ZZEF1: variants seen among roughly 807,000 people sequenced by gnomAD.
The protein encoded by ZZEF1 is zinc finger ZZ-type and EF-hand domain containing 1, also known as zinc finger ZZ-type and EF-hand domain-containing protein 1.
A neutral mutation model predicts 342.8 loss-of-function variants in ZZEF1; 157 were observed. The observed-to-expected ratio is 0.46, with a 90% confidence interval of 0.40 to 0.52. The LOEUF is 0.52. Among genes scored for constraint, ZZEF1 ranks in the 20% least tolerant of loss-of-function variants. The pLI is 0.00. For synonymous variants in ZZEF1, 1,505 were observed against 1,429.1 expected (o/e 1.05, Z -1.20); for missense variants, 3,480 against 3,725.6 (o/e 0.93, Z 1.72).
Position 4,097,551 on chromosome 17 carries a change from T to C in ZZEF1, c.1673-851A>G, listed in dbSNP as rs1010721216. Among the ~76,000 whole-genome samples the C allele has an allele frequency of 7.9e-5, 12 of 151,882 alleles. 1 individual carries two copies. The highest frequency in any genetic ancestry group is 3.9e-4 in the Admixed American group (6 of 15,254). On this transcript the variant is annotated intron_variant, in intron 9 of 54. Transcript: ENST00000381638. ...ATACCCTTTCGGTCGTCTCTGCCTT[T>C]TATGGTCTCTAAACTATTTTACAAT...
At chr17:4,099,176 T>C (rs1020336377) in intron 9 of ZZEF1, among the ~76,000 whole-genome samples, 1 of 152,208 alleles carries the variant, frequency 6.6e-6, no homozygotes, top group Non-Finnish European at 1.5e-5. Context: ...ATAAAACTTC[T>C]GTGCTTCCTT....
At chr17:4,083,914 T>C (rs115613494) in intron 16 of ZZEF1, among the ~76,000 whole-genome samples, 111 of 152,334 alleles carry the variant, frequency 7.3e-4, no homozygotes, top group African/African-American at 2.5e-3. Context: ...TCTAGTTTCC[T>C]TTGTCAAATT....
intron 1 of ZZEF1, among the ~76,000 whole-genome samples, chr17:4,131,928 G>A (rs774339976): frequency 6.6e-5 from 10 of 152,310 alleles, no homozygotes; most frequent in South Asian, 4.1e-4. Context: ...CATGGGCAAC[G>A]ATGGGAAGGT....
chr17:4,027,585 G>C (rs2056441453), intron 42 of ZZEF1, among the ~76,000 whole-genome samples: 1 of 143,168 alleles, frequency 7.0e-6, no homozygotes, highest in Admixed American at 7.2e-5. Context: ...ATGAGCCACT[G>C]TGCCCTGCCT....
rs1314304566 is a variant in ZZEF1, at chr17:4,025,226, A to C, written c.6893-108T>G. 5 of 1,072,028 alleles carry C rather than the reference A, an allele frequency of 4.7e-6. No individual in the cohort carries two copies. In the East Asian group the frequency reaches 1.0e-4, roughly 22 times the overall value. 66.4% of individuals were successfully genotyped at this position (1,072,028 alleles called of 1,614,324 possible). On this transcript the variant is annotated intron_variant, in intron 42 of 54. Coordinates refer to ENST00000381638, the MANE Select transcript of ZZEF1 (RefSeq NM_015113.4). ...GCCTTACTAAAGTAGGGACTGCAGAAACATAAATCTCTCGGGCTCAGTCTT... is the reference window on the plus strand; with the variant it reads ...GCCTTACTAAAGTAGGGACTGCAGACACATAAATCTCTCGGGCTCAGTCTT...
In ZZEF1 at chr17:4,090,711, A is replaced by T; in HGVS notation, c.2025+8T>A. On this transcript the variant is annotated splice_region_variant and intron_variant, in intron 12 of 54. Transcript: ENST00000381638. ...AGGGGAGTGGGCAAACGACGCACTA[A>T]TGCTTACTTTGGCAACTCTGCACTG... is the stretch of plus-strand genomic sequence containing the variant. 6.2e-7 allele frequency: 1 copy of T among 1,612,074 alleles called. No homozygotes were observed. Among genetic ancestry groups the T allele is most frequent in the Non-Finnish European group, 8.5e-7 (1 of 1,178,370 alleles).
chr17:4,125,929 T>C (rs1417238950), intron 1 of ZZEF1, among the ~76,000 whole-genome samples: 1 of 151,996 alleles, frequency 6.6e-6, no homozygotes, highest in Non-Finnish European at 1.5e-5. Context: ...GTCATGGGCA[T>C]AAAGATGGGT....
intron 1 of ZZEF1, among the ~76,000 whole-genome samples, chr17:4,132,964 TC>T (rs1295204366): frequency 6.8e-6 from 1 of 147,756 alleles, no homozygotes; most frequent in Non-Finnish European, 1.5e-5. Flanking sequence ...AGACTCCATC[TC>T]AAAAAAAAAA....
At chr17:4,059,653 T>C (rs895162653) in intron 30 of ZZEF1, among the ~76,000 whole-genome samples, 2 of 152,210 alleles carry the variant, frequency 1.3e-5, no homozygotes, top group African/African-American at 4.8e-5. Context: ...CCTCCCTTCA[T>C]TGATGACTTT....
chr17:4,048,873 ATTTTTTT>A (rs71144157), intron 37 of ZZEF1, among the ~76,000 whole-genome samples: 2 of 133,756 alleles, frequency 1.5e-5, no homozygotes, highest in African/African-American at 2.8e-5. Flanking sequence ...AGCCTGGATA[ATTTTTTT>A]TTTTTTTTTT....
At chr17:4,020,494 C>G (rs1047393118) in intron 45 of ZZEF1, among the ~76,000 whole-genome samples, 2 of 152,062 alleles carry the variant, frequency 1.3e-5, no homozygotes, top group Non-Finnish European at 2.9e-5. Flanking sequence ...AGGCGCATGC[C>G]ACACCTGGCT....
intron 6 of ZZEF1, 55 bp downstream of exon 6, chr17:4,109,598 T>C: frequency 1.3e-6 from 2 of 1,569,866 alleles, no homozygotes; most frequent in South Asian, 2.2e-5. Flanking sequence ...CCCTAAAGGA[T>C]GATGGGAGAA....
chr17:4,076,542 C>T, intron 21 of ZZEF1, 95 bp downstream of exon 21: 1 of 1,485,454 alleles, frequency 6.7e-7, no homozygotes, highest in Non-Finnish European at 9.0e-7. Context: ...GGCTGCTCAG[C>T]TGTGCCTATC....
At chr17:4,026,886 T>C (rs945323244) in intron 42 of ZZEF1, among the ~76,000 whole-genome samples, 25 of 152,058 alleles carry the variant, frequency 1.6e-4, no homozygotes, top group Non-Finnish European at 1.5e-5. Flanking sequence ...ATTTTTTACC[T>C]GGCAAAATTA....
At chr17:4,086,393 C>T (rs1232190027) in intron 15 of ZZEF1, 93 bp downstream of exon 15, 3 of 1,294,636 alleles carry the variant, frequency 2.3e-6, no homozygotes, top group African/African-American at 1.5e-5. Context: ...CTTTCTGGCT[C>T]GCATCATCGT....
chr17:4,109,900 A>G, intron 5 of ZZEF1, 37 bp from the exon 6 acceptor site: 1 of 1,609,008 alleles, frequency 6.2e-7, no homozygotes. Context: ...TATTGGATTA[A>G]CTTCTTTAGG....
At chr17:4,046,617 T>C (rs972242399) in intron 37 of ZZEF1, among the ~76,000 whole-genome samples, 5 of 152,116 alleles carry the variant, frequency 3.3e-5, no homozygotes, top group African/African-American at 1.2e-4. Flanking sequence ...CTGAGAAAAA[T>C]GTGACTGTAA....
intron 33 of ZZEF1, among the ~76,000 whole-genome samples, chr17:4,055,540 C>T (rs1008030754): frequency 2.6e-5 from 4 of 152,208 alleles, no homozygotes; most frequent in African/African-American, 9.6e-5. Context: ...GCTCACCAGG[C>T]AGCCTTCTGA....
At chr17:4,105,916 T>C in intron 6 of ZZEF1, 107 bp from the exon 7 acceptor site, 1 of 843,842 alleles carries the variant, frequency 1.2e-6, no homozygotes. Context: ...AAACAGACAG[T>C]GTTCCCACAG....
Sources: allele counts gnomAD v4.1 joint callset (sites outside exome capture counted in the v4.1 genomes callset), GRCh38; gene constraint gnomAD v4.1.1; transcripts MANE v1.5; gene names NCBI Gene and HGNC (gene_info 2026-07-23, HGNC 2026-07-21).